Variants in MINDY2 observed in about 807,000 individuals in gnomAD.
The protein encoded by MINDY2 is MINDY lysine 48 deubiquitinase 2.
Under a neutral mutation model 68.2 loss-of-function variants are expected in MINDY2, and 52 were observed. The observed-to-expected ratio is 0.76, with a 90% CI of 0.61 to 0.96. The LOEUF (loss-of-function observed/expected upper bound fraction) is 0.96. Ranked by LOEUF, MINDY2 falls within the 40% of genes least tolerant of loss-of-function variation. The probability of loss-of-function intolerance (pLI) is 0.00; values close to 1 mark genes in which losing one functional copy is unlikely to be tolerated. For missense variants in MINDY2, 881 were observed against 773.4 expected (o/e 1.14, Z -1.65); for synonymous variants, 372 against 303.0 (o/e 1.23, Z -2.36).
At chr15:58,811,050 G>A (rs2030203736) in intron 4 of MINDY2, among the ~76,000 whole-genome samples, 1 of 152,214 alleles carries the variant, frequency 6.6e-6, no homozygotes, top group East Asian at 1.9e-4. Context: ...TGTGGTTCAA[G>A]GGATCCATCA....
At chr15:58,807,428 T>C (rs1280409367) in intron 3 of MINDY2, among the ~76,000 whole-genome samples, 1 of 138,384 alleles carries the variant, frequency 7.2e-6, no homozygotes, top group African/African-American at 2.7e-5. Flanking sequence ...CGATCTCCAC[T>C]CACTGCAAGC....
intron 4 of MINDY2, among the ~76,000 whole-genome samples, chr15:58,814,757 G>T (rs907373917): frequency 1.6e-4 from 24 of 145,456 alleles, no homozygotes; most frequent in African/African-American, 6.1e-4. Context: ...CAAATCTCTT[G>T]TCAGATATAT....
chr15:58,831,037 G>GTATATA (rs549317915), intron 5 of MINDY2, among the ~76,000 whole-genome samples: 3,035 of 110,078 alleles, frequency 0.028, 97 homozygotes, highest in African/African-American at 0.1. Context: ...GTGTGTGTGT[G>GTATATA]TGTGTATATA....
chr15:58,836,142 T>C (rs2031982214), intron 6 of MINDY2, among the ~76,000 whole-genome samples: 1 of 152,116 alleles, frequency 6.6e-6, no homozygotes, highest in African/African-American at 2.4e-5. Flanking sequence ...AATCTCCTGA[T>C]CTCGTGATCT....
chr15:58,785,154 AAAAAG>A (rs1282781511), intron 1 of MINDY2, among the ~76,000 whole-genome samples: 1 of 138,594 alleles, frequency 7.2e-6, no homozygotes, highest in African/African-American at 2.7e-5. Flanking sequence ...AAAAAAAAAA[AAAAAG>A]AAAAGCAAGC....
intron 8 of MINDY2, among the ~76,000 whole-genome samples, chr15:58,852,262 A>C (rs640045): frequency 7.3e-6 from 1 of 136,964 alleles, no homozygotes; most frequent in Non-Finnish European, 1.5e-5. Context: ...CACTCCAGTC[A>C]GGATGATAGA....
chr15:58,797,005 A>G (rs559847205), intron 2 of MINDY2, among the ~76,000 whole-genome samples: 376 of 152,242 alleles, frequency 2.5e-3, no homozygotes, highest in Non-Finnish European at 4.3e-3. Flanking sequence ...TCATTGCCAT[A>G]TATCACCTAA....
chr15:58,823,862 A>C (rs886977518), intron 5 of MINDY2, among the ~76,000 whole-genome samples: 1 of 152,210 alleles, frequency 6.6e-6, no homozygotes, highest in Non-Finnish European at 1.5e-5. Context: ...ATGGGGAAAA[A>C]AATTCCACTC....
intron 5 of MINDY2, among the ~76,000 whole-genome samples, chr15:58,823,325 T>C (rs1239632244): frequency 1.3e-5 from 2 of 151,912 alleles, no homozygotes; most frequent in Non-Finnish European, 2.9e-5. Context: ...GATTTTGTCA[T>C]GTTGGTCAAG....
chr15:58,814,533 C>T (rs1234793062), intron 4 of MINDY2, among the ~76,000 whole-genome samples: 2 of 151,882 alleles, frequency 1.3e-5, no homozygotes, highest in Non-Finnish European at 2.9e-5. Context: ...CACATGCCAC[C>T]ATACCCTGCT....
intron 1 of MINDY2, among the ~76,000 whole-genome samples, chr15:58,777,841 T>G (rs1900871737): frequency 6.6e-6 from 1 of 152,150 alleles, no homozygotes; most frequent in Non-Finnish European, 1.5e-5. Context: ...CCAGCTAGTC[T>G]CAAACTCCTG....
Position 58,858,507 on chromosome 15 carries a change from G to A in MINDY2, c.*3897G>A, listed in dbSNP as rs2033128669. On this transcript the variant is annotated 3_prime_UTR_variant, in exon 9 of 9. Transcript: ENST00000559228. Reference sequence around the variant, plus strand: ...GATCATGAGAGGAAAGAGAACTAGAGGCCAATAAATAAAATAATTGTTCAT... The same window carrying A: ...GATCATGAGAGGAAAGAGAACTAGAAGCCAATAAATAAAATAATTGTTCAT... 6.6e-6 allele frequency: 1 copy of A among 152,048 alleles called. No homozygotes were observed. The highest frequency in any genetic ancestry group is 1.5e-5 in the Non-Finnish European group (1 of 67,978). 9.4% of individuals were successfully genotyped at this position (152,048 alleles called of 1,614,324 possible). A position where few individuals can be genotyped will look rare whatever the true frequency, so the allele number is the denominator to read the frequency against.
intron 1 of MINDY2, among the ~76,000 whole-genome samples, chr15:58,777,351 G>T (rs1450136184): frequency 2.6e-5 from 4 of 152,164 alleles, no homozygotes; most frequent in African/African-American, 9.7e-5. Context: ...CAAACCGGGA[G>T]GATTTGAGCA....
intron 3 of MINDY2, among the ~76,000 whole-genome samples, chr15:58,809,720 T>C (rs913748965): frequency 2.6e-5 from 4 of 152,246 alleles, no homozygotes; most frequent in Admixed American, 1.3e-4. Context: ...TTGTTTTATA[T>C]ATATACATGT....
In MINDY2 at chr15:58,802,370, A is replaced by G; in HGVS notation, c.956A>G (p.Tyr319Cys). 5 of 1,580,326 alleles carry G rather than the reference A, an allele frequency of 3.2e-6. No individual in the cohort carries two copies. Among genetic ancestry groups the G allele is most frequent in the Non-Finnish European group, 4.3e-6 (5 of 1,160,992 alleles). ...KEISEIQRLN[Y>C]EQNMSDAMAI... Reference sequence around the variant, plus strand: ...ATTTCAGAAATTCAACGTTTAAATTATGAACAGGTAATAAACAGTTTTTGT... The same window carrying G: ...ATTTCAGAAATTCAACGTTTAAATTGTGAACAGGTAATAAACAGTTTTTGT... Residue 319 changes from tyrosine (Y) to cysteine (C), a missense_variant, in exon 3 of 9, where the codon TAT (tyrosine) becomes TGT (cysteine). Transcript: ENST00000559228.
At chr15:58,820,870 A>G (rs1346541309) in intron 4 of MINDY2, among the ~76,000 whole-genome samples, 2 of 152,030 alleles carry the variant, frequency 1.3e-5, no homozygotes, top group Non-Finnish European at 2.9e-5. Flanking sequence ...ATTTTTATTT[A>G]TGTAATTCTA....
At chr15:58,834,314 C>T (rs1443395881) in intron 6 of MINDY2, among the ~76,000 whole-genome samples, 1 of 152,168 alleles carries the variant, frequency 6.6e-6, no homozygotes, top group Non-Finnish European at 1.5e-5. Context: ...ACTCCTTAAT[C>T]CCTGTTTGGA....
In MINDY2 at chr15:58,821,810, G is replaced by T; in HGVS notation, c.1216G>T (p.Val406Phe). The T allele has an allele frequency of 6.3e-7, 1 of 1,582,680 alleles. No homozygotes were observed. The highest frequency in any genetic ancestry group is 1.2e-5 in the South Asian group (1 of 84,400). Reference sequence around the variant, plus strand: ...TAAACAGTCAGACAATAGTGAGCTGGTTAGTGAAGGTGGGTGAGTGCTGCT... The same window carrying T: ...TAAACAGTCAGACAATAGTGAGCTGTTTAGTGAAGGTGGGTGAGTGCTGCT... The part of the protein sequence containing the change: ...SCKQSDNSEL[V>F]SEGFVAEQFL... The change falls in exon 5 of 9, where the codon GTT (valine) becomes TTT (phenylalanine). Residue 406 changes from valine to phenylalanine, a missense_variant. Physicochemically the swap from Val to Phe is conservative, Grantham distance 50 (BLOSUM62 -1). Transcript: ENST00000559228.
At chr15:58,810,603 G>A (rs141192808) in intron 4 of MINDY2, among the ~76,000 whole-genome samples, 186 of 152,244 alleles carry the variant, frequency 1.2e-3, no homozygotes, top group African/African-American at 4.2e-3. Context: ...CAACTACAAG[G>A]TTAGAGGGAA....
Sources: allele counts gnomAD v4.1 joint callset (sites outside exome capture counted in the v4.1 genomes callset), GRCh38; gene constraint gnomAD v4.1.1; transcripts MANE v1.5; gene names NCBI Gene and HGNC (gene_info 2026-07-23, HGNC 2026-07-21).